The following NSG2 variants were observed in gnomAD, a reference collection of about 807,000 sequenced individuals.
NSG2 encodes the protein neuronal vesicle trafficking-associated protein 2.
NSG2 carries 4 observed loss-of-function variants against 16.9 expected under a neutral mutation model. The observed-to-expected ratio is 0.24, with a 90% CI of 0.12 to 0.54. NSG2 has a LOEUF of 0.54. Ranked by LOEUF, NSG2 falls within the 20% of genes least tolerant of loss-of-function variation. The probability of loss-of-function intolerance (pLI) is 0.95; values close to 1 mark genes in which losing one functional copy is unlikely to be tolerated. For synonymous variants in NSG2, 98 were observed against 88.7 expected (o/e 1.11, Z -0.59); for missense variants, 179 against 221.1 (o/e 0.81, Z 1.21).
At chr5:174,049,921 T>C (rs561801826) in intron 2 of NSG2, among the ~76,000 whole-genome samples, 2 of 152,250 alleles carry the variant, frequency 1.3e-5, no homozygotes, top group Non-Finnish European at 2.9e-5. Context: ...CTTAGAATAG[T>C]GTCCAGATGA....
intron 3 of NSG2, among the ~76,000 whole-genome samples, chr5:174,103,970 C>G (rs1457738767): frequency 6.6e-6 from 1 of 152,034 alleles, no homozygotes; most frequent in Non-Finnish European, 1.5e-5. Context: ...GAGACTCCAT[C>G]TCACAAAAAC....
chr5:174,087,889 G>C (rs540391972), intron 3 of NSG2, among the ~76,000 whole-genome samples: 2 of 152,150 alleles, frequency 1.3e-5, no homozygotes, highest in South Asian at 4.2e-4. Context: ...AAATCATCTT[G>C]GATATGAGAG....
Position 174,097,717 on chromosome 5 carries a change from TTGTCTCTGTGTG to T in NSG2, c.214-6499_214-6488del, listed in dbSNP as rs370695519. 1.2e-3 allele frequency among the ~76,000 whole-genome samples: 175 copies of T among 148,474 alleles called. 2 individuals carry two copies. The Middle Eastern group carries it at 0.06, about 51-fold the overall frequency. ...ACTGTGTGTGTCTTTTTGTGTGTGTTTGTCTCTGTGTGTGTCTCTGTGTCTGTGTGTGTGTCT... is the reference window on the plus strand; with the variant it reads ...ACTGTGTGTGTCTTTTTGTGTGTGTTTGTCTCTGTGTCTGTGTGTGTGTCT... On this transcript the variant is annotated intron_variant, in intron 3 of 4. Transcript: ENST00000303177.
chr5:174,061,541 A>T (rs937784023), intron 2 of NSG2, among the ~76,000 whole-genome samples: 2 of 152,230 alleles, frequency 1.3e-5, no homozygotes, highest in East Asian at 3.8e-4. Flanking sequence ...TCTGTGGTAC[A>T]CTTTGCAGAG....
chr5:174,048,908 A>G (rs1759841804), intron 2 of NSG2, among the ~76,000 whole-genome samples: 1 of 152,062 alleles, frequency 6.6e-6, no homozygotes, highest in African/African-American at 2.4e-5. Flanking sequence ...CCAGTTTGAC[A>G]CTCTGATTGT....
chr5:174,107,959 G>T lies in NSG2; in HGVS notation c.*454G>T, dbSNP rs1414430602. The T allele has an allele frequency of 2.7e-6, 1 of 364,674 alleles. No individual in the cohort carries two copies. The highest frequency in any genetic ancestry group is 2.1e-5 in the African/African-American group (1 of 46,826). 22.6% of individuals were successfully genotyped at this position (364,674 alleles called of 1,614,324 possible). ...TAGCTTCAGTGGGGGCTCCAGGGTT[G>T]CAGAGTATGAGTGACACAGACCGGG... On this transcript the variant is annotated 3_prime_UTR_variant, in exon 5 of 5. Coordinates refer to ENST00000303177, the MANE Select transcript of NSG2 (RefSeq NM_015980.5). This position sits in a 1 kb window ranked among gnomAD's most constrained non-coding sequence, Gnocchi z 4.5.
chr5:174,077,580 G>A (rs541031693), intron 3 of NSG2, among the ~76,000 whole-genome samples: 1 of 152,186 alleles, frequency 6.6e-6, no homozygotes, highest in South Asian at 2.1e-4. Context: ...CAGTCTGGTG[G>A]CCACCTATTC....
rs1761006441 is a variant in NSG2, at chr5:174,107,695, G to A, written c.*190G>A. On this transcript the variant is annotated 3_prime_UTR_variant, in exon 5 of 5. Coordinates refer to ENST00000303177, the MANE Select transcript of NSG2 (RefSeq NM_015980.5). The surrounding 1 kb of genome is among the most constrained non-coding windows in gnomAD (Gnocchi z 4.5). ...GTTGTCTGAACCGATATTTCTTTTT[G>A]TTCCTTGGTATTGTTGATTCGTCGC... The A allele has an allele frequency of 7.0e-6, 5 of 716,618 alleles. No individual in the cohort carries two copies. Among genetic ancestry groups the A allele is most frequent in the South Asian group, 1.5e-5 (1 of 67,054 alleles). 44.4% of individuals were successfully genotyped at this position (716,618 alleles called of 1,614,324 possible).
intron 3 of NSG2, among the ~76,000 whole-genome samples, chr5:174,078,000 G>A (rs1760377016): frequency 6.6e-6 from 1 of 152,144 alleles, no homozygotes; most frequent in African/African-American, 2.4e-5. Context: ...CATCTGTGCT[G>A]TCCAAATTGG....
rs376843451 is a variant in NSG2, at chr5:174,097,314, G to A, written c.214-6914G>A. ...TTCTCCTCAAGGTTAAGGTGCTTTT[G>A]TTGGGCACATGTGTGGGGTGGCGGG... On this transcript the variant is annotated intron_variant, in intron 3 of 4. Coordinates refer to ENST00000303177, the MANE Select transcript of NSG2 (RefSeq NM_015980.5). Among the ~76,000 whole-genome samples the A allele has an allele frequency of 1.1e-3, 160 of 152,156 alleles. No homozygotes were observed. The South Asian group carries it at 0.015, about 15-fold the overall frequency.
At chr5:174,098,294 G>A (rs1162868613) in intron 3 of NSG2, among the ~76,000 whole-genome samples, 3 of 152,186 alleles carry the variant, frequency 2.0e-5, no homozygotes, top group East Asian at 1.9e-4. Flanking sequence ...TTGAGGGGGT[G>A]CAGGCTGAGC....
At chr5:174,064,529 G>C in intron 3 of NSG2, 2 of 387,436 alleles carry the variant, frequency 5.2e-6, no homozygotes, top group Non-Finnish European at 9.2e-6. Flanking sequence ...GTGTACTCTG[G>C]AATGTTCTGA....
chr5:174,055,199 T>G (rs755277634), intron 2 of NSG2, among the ~76,000 whole-genome samples: 2 of 152,172 alleles, frequency 1.3e-5, no homozygotes, highest in Non-Finnish European at 2.9e-5. Flanking sequence ...GATTCCAGCC[T>G]AGGCAGCTTG....
intron 3 of NSG2, among the ~76,000 whole-genome samples, chr5:174,069,789 GTTCATTGTCAGGA>G (rs1760203249): frequency 6.6e-6 from 1 of 151,610 alleles, no homozygotes; most frequent in South Asian, 2.1e-4. Flanking sequence ...GGGGTAGCCA[GTTCATTGTCAGGA>G]TTCATGGGTG....
rs562005805 is a variant in NSG2, at chr5:174,083,749, C to T, written c.213+19434C>T. Among the ~76,000 whole-genome samples, 4 of 152,286 alleles carry T rather than the reference C, an allele frequency of 2.6e-5. 1 individual carries two copies. Among genetic ancestry groups the T allele is most frequent in the Middle Eastern group, 6.8e-3 (2 of 294 alleles). ...AGTAAATGGAGGGAGAACAAAAGAC[C>T]GCAAGAAAGACAGGAGAATGAACAT... On this transcript the variant is annotated intron_variant, in intron 3 of 4. Coordinates refer to ENST00000303177, the MANE Select transcript of NSG2 (RefSeq NM_015980.5).
chr5:174,066,968 C>G (rs542106446), intron 3 of NSG2, among the ~76,000 whole-genome samples: 3 of 109,132 alleles, frequency 2.7e-5, no homozygotes, highest in African/African-American at 1.1e-4. Context: ...CCAGCCTGGG[C>G]GACAGAGCGA....
intron 3 of NSG2, 107 bp from the exon 4 acceptor site, chr5:174,104,121 C>G (rs967182412): frequency 1.0e-5 from 8 of 767,038 alleles, no homozygotes; most frequent in South Asian, 8.1e-5. Flanking sequence ...GCCTGTCCCC[C>G]TTTCTAGCAC....
At chr5:174,095,657 G>A (rs1760784789) in intron 3 of NSG2, among the ~76,000 whole-genome samples, 2 of 152,092 alleles carry the variant, frequency 1.3e-5, no homozygotes, top group Non-Finnish European at 1.5e-5. Context: ...CACATTGACA[G>A]GTTCTGGAGA....
At chr5:174,082,392 T>G (rs570905961) in intron 3 of NSG2, 2 of 152,370 alleles carry the variant, frequency 1.3e-5, no homozygotes, top group African/African-American at 4.8e-5. Context: ...AATGGAGCAG[T>G]ATTTGCAGAT....
Sources: allele counts gnomAD v4.1 joint callset (sites outside exome capture counted in the v4.1 genomes callset), GRCh38; gene constraint gnomAD v4.1.1; non-coding constraint Gnocchi (gnomAD v3.1); transcripts MANE v1.5; gene names NCBI Gene and HGNC (gene_info 2026-07-23, HGNC 2026-07-21).